CSMD1: variants seen among roughly 807,000 people sequenced by gnomAD.
CSMD1 encodes the protein CUB and Sushi multiple domains 1, also known as CUB and sushi domain-containing protein 1.
A neutral mutation model predicts 417.5 loss-of-function variants in CSMD1; 213 were observed. That is an observed-to-expected ratio of 0.51 (90% confidence interval 0.46 to 0.57). The LOEUF (loss-of-function observed/expected upper bound fraction) is 0.57, where lower values mean the gene tolerates loss of function less well. CSMD1 is among the 20% of genes least tolerant of loss of function. CSMD1 has a pLI of 0.00. For missense variants in CSMD1, 6,923 were observed against 4,529.7 expected (o/e 1.53, Z -15.17); for synonymous variants, 2,862 against 1,736.8 (o/e 1.65, Z -16.11).
intron 9 of CSMD1, among the ~76,000 whole-genome samples, chr8:3,579,147 G>A (rs749946921): frequency 6.6e-6 from 1 of 152,060 alleles, no homozygotes; most frequent in Non-Finnish European, 1.5e-5. Context: ...CATCTTTTCT[G>A]TCTCCCCAGT....
intron 3 of CSMD1, among the ~76,000 whole-genome samples, chr8:4,133,586 G>A (rs546867464): frequency 3.3e-5 from 5 of 152,156 alleles, no homozygotes; most frequent in Non-Finnish European, 5.9e-5. Flanking sequence ...ACGCCGATAT[G>A]TGTAATAAAC....
intron 41 of CSMD1, among the ~76,000 whole-genome samples, chr8:3,120,201 C>T (rs1250475701): frequency 6.6e-6 from 1 of 151,996 alleles, no homozygotes; most frequent in South Asian, 2.1e-4. Flanking sequence ...GGCAGAGGGG[C>T]CAGCAGACAG....
chr8:2,958,199 G>C (rs1489134841), intron 62 of CSMD1, among the ~76,000 whole-genome samples: 1 of 152,032 alleles, frequency 6.6e-6, no homozygotes, highest in Non-Finnish European at 1.5e-5. Flanking sequence ...AAGGGGATTG[G>C]TCAACTCCTA....
At chr8:3,798,298 G>T (rs1195201632) in intron 5 of CSMD1, among the ~76,000 whole-genome samples, 1 of 151,842 alleles carries the variant, frequency 6.6e-6, no homozygotes, top group African/African-American at 2.4e-5. Context: ...TTCCTCTTAG[G>T]ATTAGTGCTT....
intron 3 of CSMD1, among the ~76,000 whole-genome samples, chr8:4,363,199 T>C (rs1412532596): frequency 6.6e-6 from 1 of 152,170 alleles, no homozygotes; most frequent in Non-Finnish European, 1.5e-5. Flanking sequence ...CACCATTTTG[T>C]ATTTGGTGGA....
chr8:4,077,399 A>G (rs1799890056), intron 3 of CSMD1, among the ~76,000 whole-genome samples: 1 of 150,806 alleles, frequency 6.6e-6, no homozygotes, highest in African/African-American at 2.4e-5. Flanking sequence ...CTTTTATTAT[A>G]ATAAGCTCTT....
intron 3 of CSMD1, among the ~76,000 whole-genome samples, chr8:4,327,804 A>C (rs921446955): frequency 6.6e-6 from 1 of 152,204 alleles, no homozygotes; most frequent in Non-Finnish European, 1.5e-5. Flanking sequence ...TTCTTGCTAA[A>C]ATGTCTCCTG....
rs1476669067 is a variant in CSMD1, at chr8:3,199,752, C to T, written c.5156G>A (p.Ser1719Asn). The change falls in exon 33 of 70, where the codon AGC becomes AAC. Residue 1719 changes from serine (S) to asparagine (N), a missense_variant. Transcript: ENST00000635120. ...GTGGAAGCCGCGGGCAGAGGCACCG[C>T]TCTTTGCACTGAATCGGAGCAGAAT... is the stretch of plus-strand genomic sequence containing the variant. ...NQILLRFSAK[S>N]GASARGFHFV... 1 of 1,589,270 alleles carries T rather than the reference C, an allele frequency of 6.3e-7. No individual in the cohort carries two copies. The highest frequency in any genetic ancestry group is 8.6e-7 in the Non-Finnish European group (1 of 1,167,538).
chr8:3,883,608 G>C (rs993146543), intron 5 of CSMD1, among the ~76,000 whole-genome samples: 3 of 152,034 alleles, frequency 2.0e-5, no homozygotes, highest in African/African-American at 7.2e-5. Flanking sequence ...TTATTTATTT[G>C]ATATCAATTA....
intron 1 of CSMD1, among the ~76,000 whole-genome samples, chr8:4,774,727 C>T (rs939005212): frequency 1.1e-4 from 16 of 152,092 alleles, no homozygotes; most frequent in Admixed American, 2.0e-4. Context: ...GGTGCCATGC[C>T]TTTGTTGCTA....
At chr8:4,469,499 T>C (rs2130032588) in intron 2 of CSMD1, among the ~76,000 whole-genome samples, 1 of 152,322 alleles carries the variant, frequency 6.6e-6, no homozygotes, top group Admixed American at 6.5e-5. Context: ...GAGTAGATTT[T>C]ACCTAGAACC....
At chr8:4,355,757 G>A (rs998956471) in intron 3 of CSMD1, among the ~76,000 whole-genome samples, 1 of 152,142 alleles carries the variant, frequency 6.6e-6, no homozygotes, top group Non-Finnish European at 1.5e-5. Flanking sequence ...ATGAAGCTCT[G>A]TTTCTCCAGT....
intron 10 of CSMD1, among the ~76,000 whole-genome samples, chr8:3,498,371 C>G (rs1204502435): frequency 6.6e-6 from 1 of 152,190 alleles, no homozygotes; most frequent in Non-Finnish European, 1.5e-5. Flanking sequence ...TCCATCACCT[C>G]AAATAATTTT....
At chr8:4,227,628 G>A (rs958082988) in intron 3 of CSMD1, among the ~76,000 whole-genome samples, 2 of 151,960 alleles carry the variant, frequency 1.3e-5, no homozygotes, top group African/African-American at 2.4e-5. Flanking sequence ...CAGACACTCG[G>A]CCTTCTTCCT....
intron 5 of CSMD1, among the ~76,000 whole-genome samples, chr8:3,969,607 C>T (rs181070354): frequency 1.2e-3 from 175 of 152,172 alleles, no homozygotes; most frequent in African/African-American, 4.1e-3. Flanking sequence ...CGTAACTTGA[C>T]ATAAAATTAA....
At chr8:3,057,991 C>T (rs1812348968) in intron 49 of CSMD1, among the ~76,000 whole-genome samples, 1 of 152,146 alleles carries the variant, frequency 6.6e-6, no homozygotes, top group African/African-American at 2.4e-5. Context: ...GCCAAGTATC[C>T]ACGCCGCCCA....
rs747405456 is a variant in CSMD1, at chr8:3,753,920, G to C, written c.931+10C>G. Reference sequence around the variant, plus strand: ...TTTTTTTTTTTTCTTATAAGATGGAGCATCCTTACCTTGGAACTGAGCGTT... The same window carrying C: ...TTTTTTTTTTTTCTTATAAGATGGACCATCCTTACCTTGGAACTGAGCGTT... On this transcript the variant is annotated intron_variant, in intron 6 of 69. Transcript: ENST00000635120. 5.1e-6 allele frequency: 8 copies of C among 1,563,864 alleles called. No individual in the cohort carries two copies. The Admixed American group carries it at 1.4e-4, about 26-fold the overall frequency.
rs1351930263 is a variant in CSMD1, at chr8:4,874,562, G to T, written c.85+119770C>A. Among the ~76,000 whole-genome samples, 3 of 151,482 alleles carry T rather than the reference G, an allele frequency of 2.0e-5. No homozygotes were observed. The East Asian group carries it at 5.8e-4, about 30-fold the overall frequency. On this transcript the variant is annotated intron_variant, in intron 1 of 69. Coordinates refer to ENST00000635120, the MANE Select transcript of CSMD1 (RefSeq NM_033225.6). The stretch of plus-strand genomic sequence containing the variant: ...CTGCCACCTCTCCCGGCTAATTTTT[G>T]TATTTTTTAGTAAAGATGGGGTTTC...
intron 1 of CSMD1, among the ~76,000 whole-genome samples, chr8:4,932,284 T>C (rs949917020): frequency 1.8e-4 from 28 of 151,964 alleles, no homozygotes; most frequent in African/African-American, 2.4e-5. Context: ...TTACATAAAA[T>C]TGTCTTAAAA....
Sources: allele counts gnomAD v4.1 joint callset (sites outside exome capture counted in the v4.1 genomes callset), GRCh38; gene constraint gnomAD v4.1.1; transcripts MANE v1.5; gene names NCBI Gene and HGNC (gene_info 2026-07-23, HGNC 2026-07-21).